KATNIP: variants seen among roughly 807,000 people sequenced by gnomAD.
The protein encoded by KATNIP is katanin-interacting protein.
Under a neutral mutation model 174.0 loss-of-function variants are expected in KATNIP, and 126 were observed. The observed-to-expected ratio is 0.72, with a 90% confidence interval of 0.63 to 0.84. KATNIP has a LOEUF of 0.84. Ranked by LOEUF, KATNIP falls within the 40% of genes least tolerant of loss-of-function variation. KATNIP has a pLI of 0.00. For missense variants in KATNIP, 1,958 were observed against 2,109.7 expected, an observed-to-expected ratio of 0.93 and a Z score of 1.41; for synonymous variants, 810 against 835.7, an observed-to-expected ratio of 0.97 and a Z score of 0.53.
intron 13 of KATNIP, among the ~76,000 whole-genome samples, chr16:27,716,142 A>C (rs1386213466): frequency 6.6e-6 from 1 of 152,248 alleles, no homozygotes; most frequent in East Asian, 1.9e-4. Context: ...CTATTGCTAC[A>C]TGCTACAACC....
intron 7 of KATNIP, 64 bp downstream of exon 7, chr16:27,678,060 A>C: frequency 6.4e-7 from 1 of 1,559,034 alleles, no homozygotes; most frequent in Non-Finnish European, 8.8e-7. Flanking sequence ...AGCAGGACTT[A>C]AACTTCCAGT....
Position 27,740,418 on chromosome 16 carries a change from G to A in KATNIP, c.2121G>A (p.Ser707=), listed in dbSNP as rs769863030. Residue 707 remains serine (S), a synonymous_variant, in exon 15 of 28, where the codon TCG becomes TCA. Coordinates refer to ENST00000261588, the MANE Select transcript of KATNIP (RefSeq NM_015202.5). ...EYLRLSAVPT[S]MGDMPSAPAT... ...TGAGACTGTCGGCAGTCCCCACTTC[G>A]ATGGGTGACATGCCCAGTGCTCCTG... 2.5e-6 allele frequency: 4 copies of A among 1,613,998 alleles called. No individual in the cohort carries two copies. In the South Asian group the frequency reaches 3.3e-5, roughly 13 times the overall value.
intron 5 of KATNIP, among the ~76,000 whole-genome samples, chr16:27,635,689 G>A (rs962598764): frequency 6.6e-6 from 1 of 152,120 alleles, no homozygotes; most frequent in African/African-American, 2.4e-5. Flanking sequence ...CTGGGAGGAG[G>A]GTGTGACACC....
intron 14 of KATNIP, among the ~76,000 whole-genome samples, chr16:27,728,091 G>A (rs981370930): frequency 6.6e-6 from 1 of 152,384 alleles, no homozygotes; most frequent in East Asian, 1.9e-4. Flanking sequence ...TTGGTCACCC[G>A]AGTCAGTGCG....
chr16:27,609,250 A>T (rs2075812317), intron 2 of KATNIP, among the ~76,000 whole-genome samples: 1 of 152,084 alleles, frequency 6.6e-6, no homozygotes. Context: ...TAATAAGTAA[A>T]ATAAATTAGA....
At chr16:27,589,207 A>G (rs1244605515) in intron 2 of KATNIP, among the ~76,000 whole-genome samples, 2 of 151,994 alleles carry the variant, frequency 1.3e-5, no homozygotes, top group Non-Finnish European at 2.9e-5. Context: ...TGCCCAGCCT[A>G]TGCAACTCTA....
At chr16:27,720,536 G>C (rs2080182086) in intron 13 of KATNIP, among the ~76,000 whole-genome samples, 1 of 144,398 alleles carries the variant, frequency 6.9e-6, no homozygotes, top group Non-Finnish European at 1.5e-5. Flanking sequence ...ATGTGCCAAG[G>C]AACTATGCTA....
At chr16:27,770,255 C>T (rs2082254343) in intron 21 of KATNIP, among the ~76,000 whole-genome samples, 1 of 152,256 alleles carries the variant, frequency 6.6e-6, no homozygotes, top group African/African-American at 2.4e-5. Flanking sequence ...ATTTTAAATG[C>T]TTCATTGCGT....
At chr16:27,579,367 G>C (rs1307030174) in intron 2 of KATNIP, among the ~76,000 whole-genome samples, 10 of 152,194 alleles carry the variant, frequency 6.6e-5, no homozygotes, top group Admixed American at 6.5e-4. Context: ...TGTGACCTTG[G>C]ACTTGAGCCC....
rs1400154943 is a variant in KATNIP at position 27,631,180 on chromosome 16, C to G, written c.408+18C>G. ...GGCACCAGGTCTGGAGACTGTGGCCCCAGCCCACGCTTTAGAATACAGAGT... is the reference window on the plus strand; with the variant it reads ...GGCACCAGGTCTGGAGACTGTGGCCGCAGCCCACGCTTTAGAATACAGAGT... On this transcript the variant is annotated intron_variant, in intron 5 of 27. Coordinates refer to ENST00000261588, the MANE Select transcript of KATNIP (RefSeq NM_015202.5). 1.3e-6 allele frequency: 2 copies of G among 1,535,110 alleles called. No individual in the cohort carries two copies. The highest frequency in any genetic ancestry group is 1.9e-5 in the Admixed American group (1 of 51,502).
At chr16:27,690,315 C>CAGATAGATAGATAGAT (rs3056270) in intron 8 of KATNIP, among the ~76,000 whole-genome samples, 2,063 of 128,694 alleles carry the variant, frequency 0.016, 29 homozygotes, top group South Asian at 0.031. Context: ...GACCCCATCT[C>CAGATAGATAGATAGAT]AGATAGATAG....
At chr16:27,688,980 C>T (rs1286736993) in intron 8 of KATNIP, among the ~76,000 whole-genome samples, 1 of 152,210 alleles carries the variant, frequency 6.6e-6, no homozygotes, top group Non-Finnish European at 1.5e-5. Context: ...CCACTACAGC[C>T]AGGGCCAGGA....
chr16:27,617,651 C>T (rs1253790059), intron 2 of KATNIP, among the ~76,000 whole-genome samples: 2 of 152,200 alleles, frequency 1.3e-5, no homozygotes, highest in Non-Finnish European at 2.9e-5. Context: ...CCAAGTGGGC[C>T]TCCAGTCTGG....
At chr16:27,590,104 G>A (rs1191608839) in intron 2 of KATNIP, among the ~76,000 whole-genome samples, 1 of 151,960 alleles carries the variant, frequency 6.6e-6, no homozygotes, top group African/African-American at 2.4e-5. Flanking sequence ...GTAATAGGCT[G>A]TTCTTGTTTG....
intron 5 of KATNIP, among the ~76,000 whole-genome samples, chr16:27,634,733 C>T (rs1175822861): frequency 6.6e-6 from 1 of 152,214 alleles, no homozygotes; most frequent in African/African-American, 2.4e-5. Flanking sequence ...TTCCCTGGCT[C>T]GTGTGAGGCC....
At chr16:27,745,957 CTTTTTTTTT>C (rs759181249) in intron 15 of KATNIP, among the ~76,000 whole-genome samples, 2 of 92,082 alleles carry the variant, frequency 2.2e-5, no homozygotes, top group Non-Finnish European at 4.2e-5. Context: ...AACTCCTCTG[CTTTTTTTTT>C]TTTTTTTTTT....
intron 13 of KATNIP, among the ~76,000 whole-genome samples, chr16:27,717,175 G>GGTAACCTTTC (rs2143011984): frequency 6.6e-6 from 1 of 152,172 alleles, no homozygotes; most frequent in Admixed American, 6.5e-5. Flanking sequence ...TACCAGAGTT[G>GGTAACCTTTC]GTAACCTTTC....
chr16:27,700,821 A>AGCTGTTT (rs769420130), intron 10 of KATNIP, among the ~76,000 whole-genome samples: 72 of 152,266 alleles, frequency 4.7e-4, no homozygotes, highest in Admixed American at 5.9e-4. Context: ...AGAGCACTGG[A>AGCTGTTT]GCTGTTTGCT....
At chr16:27,750,869 A>T (rs1431847698) in intron 16 of KATNIP, among the ~76,000 whole-genome samples, 3 of 149,862 alleles carry the variant, frequency 2.0e-5, no homozygotes, top group Admixed American at 6.7e-5. Context: ...AGCTGGGACT[A>T]CAGGTGCACC....
Sources: allele counts gnomAD v4.1 joint callset (sites outside exome capture counted in the v4.1 genomes callset), GRCh38; gene constraint gnomAD v4.1.1; transcripts MANE v1.5; gene names NCBI Gene and HGNC (gene_info 2026-07-23, HGNC 2026-07-21).